Variants in SLC25A48 observed in about 807,000 individuals in gnomAD.
SLC25A48 encodes the protein CTC-321K16.1.
In SLC25A48, 29 loss-of-function variants were observed where a neutral mutation model predicts 32.2. The ratio of observed to expected loss-of-function variants is 0.90; its 90% CI spans 0.67 to 1.23. SLC25A48 has a LOEUF of 1.23. Ranked by LOEUF, SLC25A48 falls within the 50% of genes most tolerant of loss-of-function variation. The pLI, the probability that SLC25A48 is intolerant of heterozygous loss-of-function variation, is 0.00. For synonymous variants in SLC25A48, 164 were observed against 172.3 expected, an observed-to-expected ratio of 0.95 and a Z score of 0.38; for missense variants, 399 against 422.7, an observed-to-expected ratio of 0.94 and a Z score of 0.49.
At chr5:135,638,382 A>G (rs2126914092) in intron 3 of SLC25A48, among the ~76,000 whole-genome samples, 1 of 137,124 alleles carries the variant, frequency 7.3e-6, no homozygotes, top group African/African-American at 2.7e-5. Context: ...TCACCTGGGA[A>G]TATTGTTAAA....
intron 4 of SLC25A48, among the ~76,000 whole-genome samples, chr5:135,820,793 C>T (rs1757863687): frequency 1.3e-5 from 2 of 152,150 alleles, no homozygotes; most frequent in Admixed American, 1.3e-4. Context: ...TTTACAACAA[C>T]TAAATTTGAC....
intron 3 of SLC25A48, among the ~76,000 whole-genome samples, chr5:135,720,926 T>C (rs554826286): frequency 1.4e-4 from 22 of 152,228 alleles, no homozygotes; most frequent in African/African-American, 4.6e-4. Context: ...TGTGAAATCC[T>C]AGCATTCCTG....
At chr5:135,707,786 T>C (rs1056969636) in intron 3 of SLC25A48, among the ~76,000 whole-genome samples, 1 of 152,226 alleles carries the variant, frequency 6.6e-6, no homozygotes, top group Non-Finnish European at 1.5e-5. Context: ...GTTCTTTTGT[T>C]CATGTGTTGA....
intron 3 of SLC25A48, among the ~76,000 whole-genome samples, chr5:135,641,739 A>G (rs139076624): frequency 2.8e-4 from 42 of 152,210 alleles, no homozygotes; most frequent in Admixed American, 2.6e-3. Context: ...TGGCTTTTTT[A>G]TTATGCTTTG....
intron 3 of SLC25A48, among the ~76,000 whole-genome samples, chr5:135,852,007 C>T (rs1759912463): frequency 6.6e-6 from 1 of 152,172 alleles, no homozygotes; most frequent in African/African-American, 2.4e-5. Flanking sequence ...TAGGGAACCC[C>T]TGTCTTACAC....
chr5:135,747,273 ATATC>A (rs1755663854), intron 3 of SLC25A48, among the ~76,000 whole-genome samples: 1 of 150,778 alleles, frequency 6.6e-6, no homozygotes, highest in African/African-American at 2.4e-5. Flanking sequence ...ATCTATATAT[ATATC>A]TATATATCAG....
intron 3 of SLC25A48, among the ~76,000 whole-genome samples, chr5:135,654,827 A>G (rs756443468): frequency 2.0e-5 from 3 of 152,244 alleles, no homozygotes; most frequent in Non-Finnish European, 2.9e-5. Context: ...CTGCAGCATC[A>G]GCTGCTGCTG....
At chr5:135,711,093 C>T (rs1754646335) in intron 3 of SLC25A48, among the ~76,000 whole-genome samples, 1 of 152,124 alleles carries the variant, frequency 6.6e-6, no homozygotes, top group Admixed American at 6.5e-5. Context: ...AGGGAAATGC[C>T]CAAGTTCCCA....
chr5:135,830,739 C>T (rs1041281669), upstream of SLC25A48, among the ~76,000 whole-genome samples: 2 of 152,186 alleles, frequency 1.3e-5, no homozygotes, highest in African/African-American at 4.8e-5. Flanking sequence ...GCAGCTGGGG[C>T]AAACACTCAA....
chr5:135,783,085 C>G (rs531418066), intron 3 of SLC25A48, among the ~76,000 whole-genome samples: 1 of 110,198 alleles, frequency 9.1e-6, no homozygotes, highest in East Asian at 2.2e-4. Context: ...CTTCCAATAC[C>G]ACAGCACAGT....
chr5:135,623,640 A>G (rs894182384), intron 1 of SLC25A48, among the ~76,000 whole-genome samples: 1 of 152,222 alleles, frequency 6.6e-6, no homozygotes, highest in African/African-American at 2.4e-5. Flanking sequence ...CATTGGTAAT[A>G]GTACCTTAAA....
At chr5:135,804,289 A>T (rs1204017551) in intron 3 of SLC25A48, among the ~76,000 whole-genome samples, 1 of 151,742 alleles carries the variant, frequency 6.6e-6, no homozygotes, top group Non-Finnish European at 1.5e-5. Context: ...GATATTACAA[A>T]TAATGTCACA....
intron 3 of SLC25A48, among the ~76,000 whole-genome samples, chr5:135,732,289 C>T (rs1332569030): frequency 6.8e-6 from 1 of 147,060 alleles, no homozygotes; most frequent in Non-Finnish European, 1.5e-5. Flanking sequence ...TAATAAAGGC[C>T]GGCCCATTAT....
chr5:135,703,871 CT>C (rs1365663376), intron 3 of SLC25A48, among the ~76,000 whole-genome samples: 1 of 152,214 alleles, frequency 6.6e-6, no homozygotes, highest in African/African-American at 2.4e-5. Context: ...CATCCTTTTT[CT>C]GCGTACTGTG....
intron 3 of SLC25A48, among the ~76,000 whole-genome samples, chr5:135,777,791 G>T (rs1046414893): frequency 6.6e-6 from 1 of 151,124 alleles, no homozygotes; most frequent in Non-Finnish European, 1.5e-5. Context: ...ATCCGGGGGG[G>T]GGGGGAATGT....
At chr5:135,868,275 G>A (rs1433559943) in intron 4 of SLC25A48, among the ~76,000 whole-genome samples, 4 of 152,182 alleles carry the variant, frequency 2.6e-5, no homozygotes, top group African/African-American at 9.7e-5. Flanking sequence ...ATAAGGAAAT[G>A]TCAGACAAAC....
chr5:135,706,589 C>A (rs114201312), intron 3 of SLC25A48, among the ~76,000 whole-genome samples: 2 of 152,098 alleles, frequency 1.3e-5, no homozygotes, highest in African/African-American at 2.4e-5. Context: ...AGGCATGAGA[C>A]CAGTGCTCTA....
At chr5:135,821,015 C>G (rs1757870218) in intron 4 of SLC25A48, among the ~76,000 whole-genome samples, 1 of 152,154 alleles carries the variant, frequency 6.6e-6, no homozygotes, top group Admixed American at 6.5e-5. Context: ...CCAAGGCTTT[C>G]TTGCCTCAAG....
intron 1 of SLC25A48, among the ~76,000 whole-genome samples, chr5:135,840,116 G>T (rs898853084): frequency 8.5e-5 from 13 of 152,184 alleles, no homozygotes; most frequent in African/African-American, 3.1e-4. Context: ...GTGTGTGTGT[G>T]TAGGTATTTT....
Sources: gnomAD v4.1 joint callset for allele counts (sites outside exome capture counted in the v4.1 genomes callset) on GRCh38, gnomAD v4.1.1 for gene constraint, MANE v1.5 for transcripts, NCBI Gene and HGNC (gene_info 2026-07-23, HGNC 2026-07-21) for gene names.